The following NOVA1 variants were observed in gnomAD, a reference collection of about 807,000 sequenced individuals.
NOVA1 encodes the protein NOVA alternative splicing regulator 1, also known as RNA-binding protein Nova-1.
In NOVA1, 7 loss-of-function variants were observed where a neutral mutation model predicts 38.0. That is an observed-to-expected ratio of 0.18 (90% CI 0.10 to 0.35). The LOEUF (loss-of-function observed/expected upper bound fraction) is 0.35. Among genes scored for constraint, NOVA1 ranks in the 10% least tolerant of loss-of-function variants. The pLI is 1.00. For synonymous variants in NOVA1, 270 were observed against 232.5 expected, an observed-to-expected ratio of 1.16 and a Z score of -1.47; for missense variants, 460 against 616.0, an observed-to-expected ratio of 0.75 and a Z score of 2.68.
chr14:26,592,090 C>T (rs1025938162), intron 2 of NOVA1, among the ~76,000 whole-genome samples: 10 of 151,200 alleles, frequency 6.6e-5, no homozygotes, highest in Non-Finnish European at 1.0e-4. Context: ...AAGGAATACA[C>T]GAAAATATTT....
intron 4 of NOVA1, among the ~76,000 whole-genome samples, chr14:26,465,982 G>A (rs993558902): frequency 6.6e-6 from 1 of 152,128 alleles, no homozygotes; most frequent in African/African-American, 2.4e-5. Context: ...GAGTACAGGG[G>A]GGGAAGGGGG....
chr14:26,514,208 C>CT (rs1888298115), intron 2 of NOVA1, among the ~76,000 whole-genome samples: 1 of 151,552 alleles, frequency 6.6e-6, no homozygotes, highest in Non-Finnish European at 1.5e-5. Context: ...TAAGTATAGG[C>CT]ACAATATATA....
intron 2 of NOVA1, among the ~76,000 whole-genome samples, chr14:26,579,053 CTT>C (rs869075814): frequency 1.4e-3 from 112 of 80,052 alleles, no homozygotes; most frequent in African/African-American, 4.7e-3. Flanking sequence ...AGGTGGTATT[CTT>C]TTTTTTTTTT....
chr14:26,574,901 A>G (rs1319203418), intron 2 of NOVA1, among the ~76,000 whole-genome samples: 3 of 151,894 alleles, frequency 2.0e-5, no homozygotes, highest in Non-Finnish European at 4.4e-5. Context: ...GTCTCCCACA[A>G]TCCTCCTGCC....
chr14:26,557,267 TAC>T (rs1891544994), intron 2 of NOVA1, among the ~76,000 whole-genome samples: 1 of 152,200 alleles, frequency 6.6e-6, no homozygotes, highest in Admixed American at 6.5e-5. Flanking sequence ...GATACCATAT[TAC>T]ACACCTATTA....
Position 26,448,494 on chromosome 14 carries a change from T to C in NOVA1, c.989A>G (p.Asn330Ser). The C allele has an allele frequency of 6.2e-7, 1 of 1,614,062 alleles. No individual in the cohort carries two copies. The highest frequency in any genetic ancestry group is 8.5e-7 in the Non-Finnish European group (1 of 1,180,024). ...TTGACTGAGACCTAAACCTAAAGTG[T>C]TGAGATTATATCCATAGCTGGCTAA... is the stretch of plus-strand genomic sequence containing the variant. ...NTLASYGYNL[N>S]TLGLGLSQAA... Residue 330 changes from asparagine (N) to serine (S), a missense_variant, in exon 5 of 5, where the codon AAC becomes AGC. Coordinates refer to ENST00000539517, the MANE Select transcript of NOVA1 (RefSeq NM_002515.3). This position sits in a 1 kb window ranked among gnomAD's most constrained non-coding sequence, Gnocchi z 5.3.
intron 2 of NOVA1, among the ~76,000 whole-genome samples, chr14:26,486,402 T>C (rs1439580084): frequency 6.6e-6 from 1 of 152,052 alleles, no homozygotes; most frequent in African/African-American, 2.4e-5. Flanking sequence ...GTTAAAATTA[T>C]ATAAACTATT....
At position 26,444,023 on chromosome 14, in the gene NOVA1, G is replaced by A. The variant is rs957018717; in HGVS notation, c.*3936C>T. Reference sequence around the variant, plus strand: ...GACTTACAGTAAATAAAATTATTAAGTAAATAAACTTTACTTAAGGACTCA... The same window carrying A: ...GACTTACAGTAAATAAAATTATTAAATAAATAAACTTTACTTAAGGACTCA... On this transcript the variant is annotated 3_prime_UTR_variant, in exon 5 of 5. Coordinates refer to ENST00000539517, the MANE Select transcript of NOVA1 (RefSeq NM_002515.3). 29 of 151,906 alleles carry A rather than the reference G, an allele frequency of 1.9e-4. No individual in the cohort carries two copies. The highest frequency in any genetic ancestry group is 5.9e-5 in the Non-Finnish European group (4 of 67,940). The allele number at this position is 151,906 out of a possible 1,614,324, so 9.4% of individuals were successfully genotyped here.
chr14:26,597,756 G>C lies in NOVA1; in HGVS notation c.-320C>G. 1.0e-6 allele frequency: 1 copy of C among 978,456 alleles called. No homozygotes were observed. Among genetic ancestry groups the C allele is most frequent in the Non-Finnish European group, 1.2e-6 (1 of 810,182 alleles). The allele number at this position is 978,456 out of a possible 1,614,324, so 60.6% of individuals were successfully genotyped here. A position where few individuals can be genotyped will look rare whatever the true frequency, so the allele number is the denominator to read the frequency against. ...GGGGAGAGAGTGGAGAAGGGAGAGG[G>C]GCGAGTGAATGAGCGGGAGGAGGGG... On this transcript the variant is annotated 5_prime_UTR_variant, in exon 1 of 5. Transcript: ENST00000539517.
intron 2 of NOVA1, among the ~76,000 whole-genome samples, chr14:26,487,177 G>T (rs1332869949): frequency 6.6e-6 from 1 of 152,126 alleles, no homozygotes; most frequent in Non-Finnish European, 1.5e-5. Context: ...CAATGTAGTA[G>T]TACATTCTTT....
At chr14:26,564,971 T>C (rs1892045964) in intron 2 of NOVA1, among the ~76,000 whole-genome samples, 1 of 152,200 alleles carries the variant, frequency 6.6e-6, no homozygotes, top group Non-Finnish European at 1.5e-5. Context: ...AATTCAAACA[T>C]ATCTTGATGA....
At chr14:26,596,828 G>A in intron 1 of NOVA1, 2 of 1,123,340 alleles carry the variant, frequency 1.8e-6, no homozygotes, top group Non-Finnish European at 2.2e-6. Flanking sequence ...GCAAGAGGAT[G>A]GAGAGAGGAA....
chr14:26,574,239 TG>T (rs1892671894), intron 2 of NOVA1, among the ~76,000 whole-genome samples: 1 of 137,868 alleles, frequency 7.3e-6, no homozygotes, highest in Non-Finnish European at 1.5e-5. Context: ...TTGGCCAGGC[TG>T]GTCTTGAACT....
Position 26,597,781 on chromosome 14 carries a change from G to C in NOVA1, c.-345C>G. 1 of 778,938 alleles carries C rather than the reference G, an allele frequency of 1.3e-6. No homozygotes were observed. The highest frequency in any genetic ancestry group is 1.6e-6 in the Non-Finnish European group (1 of 634,878). The allele number at this position is 778,938 out of a possible 1,614,324, so 48.3% of individuals were successfully genotyped here. On this transcript the variant is annotated 5_prime_UTR_variant, in exon 1 of 5. Transcript: ENST00000539517. ...GGCGAGTGAATGAGCGGGAGGAGGGGACCGGGGAGGACAGGCAGAGGGAGT... is the reference window on the plus strand; with the variant it reads ...GGCGAGTGAATGAGCGGGAGGAGGGCACCGGGGAGGACAGGCAGAGGGAGT...
intron 2 of NOVA1, among the ~76,000 whole-genome samples, chr14:26,560,599 G>A (rs1323777833): frequency 6.6e-6 from 1 of 152,124 alleles, no homozygotes; most frequent in African/African-American, 2.4e-5. Context: ...CGTGGTAGTT[G>A]TAAGGACAGA....
intron 4 of NOVA1, among the ~76,000 whole-genome samples, chr14:26,457,259 G>A (rs907193037): frequency 2.6e-5 from 4 of 151,992 alleles, no homozygotes; most frequent in African/African-American, 4.8e-5. Context: ...TGGCTACTAC[G>A]TGCCAGGTAT....
chr14:26,479,314 C>T (rs1885241229), intron 3 of NOVA1: 1 of 152,008 alleles, frequency 6.6e-6, no homozygotes, highest in South Asian at 2.1e-4. Context: ...TTTCCCCCTA[C>T]ATCATGTCAC....
chr14:26,481,104 G>C (rs1885418695), intron 2 of NOVA1, among the ~76,000 whole-genome samples: 1 of 151,988 alleles, frequency 6.6e-6, no homozygotes, highest in Admixed American at 6.6e-5. Flanking sequence ...TAGAAGCCTG[G>C]TATTCCACTG....
At chr14:26,597,142 G>T in intron 1 of NOVA1, 159 bp downstream of exon 1, 2 of 1,217,938 alleles carry the variant, frequency 1.6e-6, no homozygotes, top group Non-Finnish European at 2.0e-6. Flanking sequence ...GTGCAGGGGA[G>T]GGGGCGCGGG....
Sources: allele counts gnomAD v4.1 joint callset (sites outside exome capture counted in the v4.1 genomes callset), GRCh38; gene constraint gnomAD v4.1.1; non-coding constraint Gnocchi (gnomAD v3.1); transcripts MANE v1.5; gene names NCBI Gene and HGNC (gene_info 2026-07-23, HGNC 2026-07-21).